The following CSMD1 variants were observed in gnomAD, a reference collection of about 807,000 sequenced individuals.
The protein encoded by CSMD1 is CUB and sushi domain-containing protein 1.
Under a neutral mutation model 417.5 loss-of-function variants are expected in CSMD1, and 213 were observed. That is an observed-to-expected ratio of 0.51 (90% CI 0.46 to 0.57). The LOEUF (loss-of-function observed/expected upper bound fraction) is 0.57. Ranked by LOEUF, CSMD1 falls within the 20% of genes least tolerant of loss-of-function variation. The pLI is 0.00. For synonymous variants in CSMD1, 2,862 were observed against 1,736.8 expected (o/e 1.65, Z -16.11); for missense variants, 6,923 against 4,529.7 (o/e 1.53, Z -15.17).
Position 3,284,272 on chromosome 8 carries a change from T to C in CSMD1, c.4025A>G (p.Asp1342Gly). 1 of 1,613,912 alleles carries C rather than the reference T, an allele frequency of 6.2e-7. No individual in the cohort carries two copies. Residue 1342 changes from aspartate (D) to glycine (G), a missense_variant, in exon 26 of 70, where the codon GAC becomes GGC. Transcript: ENST00000635120. ...LKVWDGPVDS[D>G]ILLKEWSGSA... is the part of the protein sequence containing the mutation. The stretch of plus-strand genomic sequence containing the variant: ...GCCACTCCACTCCTTCAGCAGGATG[T>C]CACTGTCCACCGGCCCGTCCCAGAC...
chr8:3,794,680 G>GA (rs1241883287), intron 5 of CSMD1, among the ~76,000 whole-genome samples: 6 of 151,714 alleles, frequency 4.0e-5, no homozygotes, highest in East Asian at 1.9e-4. Context: ...TATCCTACTG[G>GA]AAAAAATCTC....
chr8:4,091,472 G>A (rs1231126278), intron 3 of CSMD1, among the ~76,000 whole-genome samples: 6 of 152,016 alleles, frequency 3.9e-5, no homozygotes, highest in East Asian at 1.9e-4. Flanking sequence ...GCAAACAGAG[G>A]GATTTTTAAA....
chr8:4,557,368 T>C (rs1481749302), intron 2 of CSMD1, among the ~76,000 whole-genome samples: 1 of 151,532 alleles, frequency 6.6e-6, no homozygotes, highest in African/African-American at 2.4e-5. Flanking sequence ...TATGCCAAGA[T>C]ATAATTTGAT....
intron 5 of CSMD1, among the ~76,000 whole-genome samples, chr8:3,838,128 C>G (rs532600522): frequency 6.6e-6 from 1 of 151,910 alleles, no homozygotes; most frequent in Non-Finnish European, 1.5e-5. Context: ...AGAAAACAGC[C>G]GCAAATATCA....
chr8:4,013,146 C>T (rs1432019933), intron 4 of CSMD1, among the ~76,000 whole-genome samples: 1 of 152,180 alleles, frequency 6.6e-6, no homozygotes, highest in Non-Finnish European at 1.5e-5. Context: ...TGTGCTCCCA[C>T]ACTGCTCAGT....
chr8:3,289,074 G>A lies in CSMD1; in HGVS notation c.3951-4728C>T, dbSNP rs575384983. On this transcript the variant is annotated intron_variant, in intron 25 of 69. Transcript: ENST00000635120. ...TCCCACCTATGAGGGAGAACATGCG[G>A]TATTTAGTTTTTTGTCCTTGAGATA... 1.5e-4 allele frequency among the ~76,000 whole-genome samples: 22 copies of A among 147,200 alleles called. 5 individuals are homozygous for A. Among genetic ancestry groups the A allele is most frequent in the African/African-American group, 5.9e-4 (22 of 37,036 alleles).
intron 3 of CSMD1, among the ~76,000 whole-genome samples, chr8:4,070,579 G>C (rs865837048): frequency 6.6e-5 from 10 of 151,960 alleles, no homozygotes; most frequent in African/African-American, 1.7e-4. Flanking sequence ...GGATGGTCTC[G>C]TTCTCCTGAC....
intron 5 of CSMD1, among the ~76,000 whole-genome samples, chr8:3,896,045 G>A (rs77384713): frequency 1.5e-3 from 222 of 152,306 alleles, no homozygotes; most frequent in Middle Eastern, 3.4e-3. Flanking sequence ...AAATGACTGC[G>A]GAGCGCTGGA....
At chr8:4,390,894 C>A (rs1803805989) in intron 3 of CSMD1, among the ~76,000 whole-genome samples, 1 of 152,070 alleles carries the variant, frequency 6.6e-6, no homozygotes, top group Non-Finnish European at 1.5e-5. Context: ...TGTCCTTAGT[C>A]CCCCAAAATG....
chr8:3,474,929 G>C (rs550301287), intron 11 of CSMD1, among the ~76,000 whole-genome samples: 5 of 152,170 alleles, frequency 3.3e-5, no homozygotes, highest in South Asian at 4.1e-4. Context: ...TTATTTTGGA[G>C]AAATAAGCCA....
intron 5 of CSMD1, among the ~76,000 whole-genome samples, chr8:3,903,329 TAA>T (rs34629798): frequency 4.4e-4 from 66 of 150,062 alleles, no homozygotes; most frequent in South Asian, 1.1e-3. Context: ...TCTGTCCAGC[TAA>T]AAAAAAAAAA....
intron 3 of CSMD1, among the ~76,000 whole-genome samples, chr8:4,281,276 G>A (rs755744356): frequency 6.6e-6 from 1 of 152,176 alleles, no homozygotes; most frequent in African/African-American, 2.4e-5. Flanking sequence ...CAGCATTATG[G>A]GAAAATAGAA....
At chr8:4,372,609 C>G (rs1214554664) in intron 3 of CSMD1, among the ~76,000 whole-genome samples, 1 of 145,798 alleles carries the variant, frequency 6.9e-6, no homozygotes, top group Non-Finnish European at 1.5e-5. Flanking sequence ...AGCGTTTTTA[C>G]TGTCAGAAAG....
intron 3 of CSMD1, among the ~76,000 whole-genome samples, chr8:4,335,870 C>A (rs987652441): frequency 6.6e-6 from 1 of 151,828 alleles, no homozygotes; most frequent in Non-Finnish European, 1.5e-5. Flanking sequence ...AACAGGGGGA[C>A]GAGAAAGTGG....
chr8:3,890,424 C>A (rs935433506), intron 5 of CSMD1, among the ~76,000 whole-genome samples: 1 of 151,846 alleles, frequency 6.6e-6, no homozygotes, highest in African/African-American at 2.4e-5. Flanking sequence ...GCCACCTGAA[C>A]AAGCTCGCAG....
chr8:3,195,438 TA>T, intron 33 of CSMD1, among the ~76,000 whole-genome samples: 1 of 152,328 alleles, frequency 6.6e-6, no homozygotes, highest in South Asian at 2.1e-4. Flanking sequence ...TGTAATTACT[TA>T]ATGGCATAGA....
chr8:3,860,156 C>T (rs975423779), intron 5 of CSMD1, among the ~76,000 whole-genome samples: 8 of 152,070 alleles, frequency 5.3e-5, no homozygotes, highest in East Asian at 3.9e-4. Flanking sequence ...ATTAACCCCT[C>T]ATTTGATAGA....
At chr8:4,381,714 G>A (rs184375650) in intron 3 of CSMD1, among the ~76,000 whole-genome samples, 102 of 152,246 alleles carry the variant, frequency 6.7e-4, no homozygotes, top group African/African-American at 2.3e-3. Context: ...CAAAGTTCAC[G>A]CTGCCGTGGA....
chr8:3,100,485 C>G (rs565611821), intron 46 of CSMD1, among the ~76,000 whole-genome samples: 29 of 152,330 alleles, frequency 1.9e-4, no homozygotes, highest in African/African-American at 5.5e-4. Flanking sequence ...GACCGCAGTG[C>G]GGTCCTATAG....
Sources: allele counts gnomAD v4.1 joint callset (sites outside exome capture counted in the v4.1 genomes callset), GRCh38; gene constraint gnomAD v4.1.1; transcripts MANE v1.5; gene names NCBI Gene and HGNC (gene_info 2026-07-23, HGNC 2026-07-21).